The following DNAH3 variants were observed in gnomAD, a reference collection of about 807,000 sequenced individuals.
DNAH3 encodes axonemal beta dynein heavy chain 3.
Under a neutral mutation model 432.5 loss-of-function variants are expected in DNAH3, and 332 were observed. The observed-to-expected ratio is 0.77, with a 90% CI of 0.70 to 0.84. The LOEUF (loss-of-function observed/expected upper bound fraction) is 0.84. Ranked by LOEUF, DNAH3 falls within the 40% of genes least tolerant of loss-of-function variation. The pLI is 0.00. For synonymous variants in DNAH3, 1,956 were observed against 1,900.2 expected (o/e 1.03, Z -0.76); for missense variants, 4,861 against 5,114.0 (o/e 0.95, Z 1.51).
chr16:20,988,574 T>C (rs2086339687), intron 44 of DNAH3, among the ~76,000 whole-genome samples: 2 of 152,110 alleles, frequency 1.3e-5, no homozygotes, highest in South Asian at 2.1e-4. Context: ...CAGAGTGCTG[T>C]GATTGCAGGC....
intron 9 of DNAH3, among the ~76,000 whole-genome samples, chr16:21,123,204 A>G (rs2092380093): frequency 6.6e-6 from 1 of 151,784 alleles, no homozygotes; most frequent in Non-Finnish European, 1.5e-5. Context: ...CAACCTTGCT[A>G]CAACAGAAAT....
At chr16:20,958,652 C>T (rs531224853) in intron 54 of DNAH3, among the ~76,000 whole-genome samples, 8 of 152,308 alleles carry the variant, frequency 5.3e-5, no homozygotes, top group African/African-American at 1.9e-4. Flanking sequence ...TCCAAGACTT[C>T]CCCAACCTTC....
At chr16:21,080,766 TC>T (rs2091155541) in intron 20 of DNAH3, among the ~76,000 whole-genome samples, 2 of 151,366 alleles carry the variant, frequency 1.3e-5, no homozygotes. Context: ...ATGCAACATC[TC>T]CCCACCCATC....
chr16:21,036,065 C>A (rs2089151025), intron 35 of DNAH3, among the ~76,000 whole-genome samples: 1 of 152,088 alleles, frequency 6.6e-6, no homozygotes, highest in Non-Finnish European at 1.5e-5. Flanking sequence ...AATCTCACAG[C>A]AAAAAATGAT....
intron 24 of DNAH3, among the ~76,000 whole-genome samples, chr16:21,064,542 A>G (rs2090474496): frequency 6.6e-6 from 1 of 152,216 alleles, no homozygotes; most frequent in South Asian, 2.1e-4. Flanking sequence ...GCAAGTACAA[A>G]GAGTAATAAT....
At chr16:20,948,419 T>C (rs903218469) in intron 57 of DNAH3, 64 bp downstream of exon 57, 61 of 1,545,010 alleles carry the variant, frequency 3.9e-5, no homozygotes, top group Non-Finnish European at 4.5e-5. Flanking sequence ...TGCAGCCCTG[T>C]AGCCATATAG....
intron 57 of DNAH3, 39 bp from the exon 58 acceptor site, chr16:20,944,702 C>A: frequency 6.2e-7 from 1 of 1,607,320 alleles, no homozygotes; most frequent in South Asian, 1.1e-5. Flanking sequence ...ACGAGGGACC[C>A]CAGAATCCCA....
At chr16:21,022,191 G>T in intron 39 of DNAH3, 91 bp from the exon 40 acceptor site, 2 of 1,398,568 alleles carry the variant, frequency 1.4e-6, no homozygotes, top group Non-Finnish European at 2.0e-6. Context: ...GGCTAGAGAT[G>T]CTGGTTAGAC....
At chr16:21,020,894 C>G (rs906561591) in intron 40 of DNAH3, among the ~76,000 whole-genome samples, 2 of 152,104 alleles carry the variant, frequency 1.3e-5, no homozygotes, top group African/African-American at 4.8e-5. Flanking sequence ...ACTTCTCCCT[C>G]CATCCTCTCT....
intron 51 of DNAH3, among the ~76,000 whole-genome samples, chr16:20,974,868 G>T (rs576642291): frequency 6.6e-6 from 1 of 151,604 alleles, no homozygotes; most frequent in Non-Finnish European, 1.5e-5. Flanking sequence ...GCCCAGGCTG[G>T]AGTGCAGTGG....
intron 27 of DNAH3, among the ~76,000 whole-genome samples, chr16:21,056,350 C>T (rs1346963657): frequency 6.6e-6 from 1 of 151,936 alleles, no homozygotes; most frequent in Non-Finnish European, 1.5e-5. Flanking sequence ...TCCCCTCACT[C>T]TCTTACTCTT....
intron 37 of DNAH3, among the ~76,000 whole-genome samples, chr16:21,028,653 CAAA>C (rs57414215): frequency 2.4e-5 from 3 of 127,638 alleles, no homozygotes; most frequent in African/African-American, 6.0e-5. Flanking sequence ...GACTTTGTCT[CAAA>C]AAAAAAAAAA....
chr16:21,135,331 T>A (rs1158576256), intron 6 of DNAH3, among the ~76,000 whole-genome samples: 1 of 152,170 alleles, frequency 6.6e-6, no homozygotes, highest in Non-Finnish European at 1.5e-5. Flanking sequence ...AGACCAAATG[T>A]TTTCCATACT....
At chr16:21,010,900 TTG>T (rs1156583310) in intron 41 of DNAH3, among the ~76,000 whole-genome samples, 2 of 141,994 alleles carry the variant, frequency 1.4e-5, no homozygotes, top group African/African-American at 2.6e-5. Context: ...TTTTTTTTTT[TTG>T]TTTTTTTTTG....
At chr16:21,074,148 T>C (rs1435335028) in intron 21 of DNAH3, among the ~76,000 whole-genome samples, 1 of 152,206 alleles carries the variant, frequency 6.6e-6, no homozygotes. Flanking sequence ...TTTTCACCCC[T>C]ACAGCTCTTC....
At chr16:21,012,687 A>C (rs1181054583) in intron 41 of DNAH3, among the ~76,000 whole-genome samples, 3 of 152,224 alleles carry the variant, frequency 2.0e-5, no homozygotes, top group Admixed American at 6.5e-5. Context: ...CAACAATAGA[A>C]GACTACATAT....
At chr16:21,086,232 T>C (rs1567767139) in intron 19 of DNAH3, among the ~76,000 whole-genome samples, 1 of 152,220 alleles carries the variant, frequency 6.6e-6, no homozygotes, top group Non-Finnish European at 1.5e-5. Flanking sequence ...GTTTTCTTTT[T>C]TCTGCTTAGT....
chr16:21,068,231 A>C (rs1216788161), intron 23 of DNAH3, among the ~76,000 whole-genome samples: 7 of 150,532 alleles, frequency 4.7e-5, no homozygotes, highest in African/African-American at 1.7e-4. Context: ...CTTGATCCCA[A>C]CGTTCCTGCT....
chr16:21,117,260 G>A, exon 12 of DNAH3: 2 of 1,611,418 alleles, frequency 1.2e-6, no homozygotes, highest in Non-Finnish European at 1.7e-6. Flanking sequence ...CAAAAAATCA[G>A]AAACAAGTTT....
Sources: allele counts gnomAD v4.1 joint callset (sites outside exome capture counted in the v4.1 genomes callset), GRCh38; gene constraint gnomAD v4.1.1; transcripts MANE v1.5; gene names NCBI Gene and HGNC (gene_info 2026-07-23, HGNC 2026-07-21).